The following OXR1 variants were observed in gnomAD, a reference collection of about 807,000 sequenced individuals.
OXR1 encodes oxidation resistance 1.
A neutral mutation model predicts 104.6 loss-of-function variants in OXR1; 41 were observed. The observed-to-expected ratio is 0.39, with a 90% CI of 0.31 to 0.51. The LOEUF is 0.51. OXR1 is among the 20% of genes least tolerant of loss of function. The pLI is 0.77. For missense variants in OXR1, 955 were observed against 1,031.9 expected (o/e 0.93, Z 1.02); for synonymous variants, 348 against 348.4 (o/e 1.00, Z 0.01).
At chr8:106,418,624 A>G (rs896814764) in intron 2 of OXR1, among the ~76,000 whole-genome samples, 4 of 152,162 alleles carry the variant, frequency 2.6e-5, no homozygotes, top group Non-Finnish European at 4.4e-5. Flanking sequence ...TGCAGCAGCC[A>G]TTAAAAATCA....
chr8:106,685,346 G>A (rs1258707209), intron 6 of OXR1, among the ~76,000 whole-genome samples: 3 of 152,262 alleles, frequency 2.0e-5, no homozygotes, highest in African/African-American at 7.2e-5. Flanking sequence ...AAACCCTAAA[G>A]CAGAATGATG....
At chr8:106,392,738 A>T (rs28420226) in intron 2 of OXR1, among the ~76,000 whole-genome samples, 6,817 of 152,244 alleles carry the variant, frequency 0.045, 526 homozygotes, top group African/African-American at 0.16. Context: ...CCAGCTAGTT[A>T]TGTCATAGAC....
At chr8:106,283,434 C>T (rs1433525711) in intron 1 of OXR1, among the ~76,000 whole-genome samples, 1 of 152,202 alleles carries the variant, frequency 6.6e-6, no homozygotes, top group African/African-American at 2.4e-5. Context: ...CGTCAAACTT[C>T]CAGGCCCATA....
intron 6 of OXR1, among the ~76,000 whole-genome samples, chr8:106,686,544 T>C (rs1828746425): frequency 6.6e-6 from 1 of 152,148 alleles, no homozygotes; most frequent in South Asian, 2.1e-4. Context: ...GTTTTATGTC[T>C]CCCATGCTGT....
intron 1 of OXR1, among the ~76,000 whole-genome samples, chr8:106,301,587 A>T (rs1813236817): frequency 6.6e-6 from 1 of 152,190 alleles, no homozygotes; most frequent in African/African-American, 2.4e-5. Flanking sequence ...AGCAAATTTT[A>T]TCCAATCAAG....
intron 11 of OXR1, among the ~76,000 whole-genome samples, chr8:106,718,453 G>T (rs943420352): frequency 6.6e-6 from 1 of 152,138 alleles, no homozygotes; most frequent in African/African-American, 2.4e-5. Context: ...TTGGATAAAG[G>T]ATCTGAGAAA....
At chr8:106,480,683 G>T (rs931720987) in intron 2 of OXR1, among the ~76,000 whole-genome samples, 1 of 151,812 alleles carries the variant, frequency 6.6e-6, no homozygotes, top group Non-Finnish European at 1.5e-5. Context: ...AACAATGGGG[G>T]AGGTATCTGG....
intron 3 of OXR1, among the ~76,000 whole-genome samples, chr8:106,616,700 C>G (rs1395325372): frequency 1.3e-5 from 2 of 152,182 alleles, no homozygotes; most frequent in Non-Finnish European, 2.9e-5. Context: ...ACTATTTATA[C>G]AACTTCAGCG....
intron 2 of OXR1, among the ~76,000 whole-genome samples, chr8:106,396,460 T>C (rs927831852): frequency 1.8e-4 from 27 of 151,900 alleles, no homozygotes; most frequent in African/African-American, 6.0e-4. Context: ...AGAAAAAAAA[T>C]TATGAAACAA....
chr8:106,418,948 A>C (rs1818792703), intron 2 of OXR1, among the ~76,000 whole-genome samples: 1 of 152,086 alleles, frequency 6.6e-6, no homozygotes, highest in African/African-American at 2.4e-5. Context: ...TTTCAGAAAA[A>C]AGTTATTTTT....
chr8:106,278,857 T>G (rs1812167235), intron 1 of OXR1, among the ~76,000 whole-genome samples: 1 of 152,202 alleles, frequency 6.6e-6, no homozygotes, highest in African/African-American at 2.4e-5. Flanking sequence ...ATCACATATC[T>G]TTGCATTTTT....
chr8:106,336,670 T>G (rs1287387069), intron 1 of OXR1, among the ~76,000 whole-genome samples: 1 of 152,236 alleles, frequency 6.6e-6, no homozygotes, highest in Admixed American at 6.5e-5. Flanking sequence ...GAAGGGACAC[T>G]GGCAAGCCCC....
intron 2 of OXR1, among the ~76,000 whole-genome samples, chr8:106,398,241 C>G (rs1255045922): frequency 6.6e-6 from 1 of 152,154 alleles, no homozygotes; most frequent in Non-Finnish European, 1.5e-5. Flanking sequence ...TTTCCGTGGT[C>G]TTCCTTTATT....
intron 11 of OXR1, among the ~76,000 whole-genome samples, chr8:106,721,484 T>A (rs1257161594): frequency 6.6e-6 from 1 of 152,134 alleles, no homozygotes; most frequent in Admixed American, 6.5e-5. Context: ...GTATTTTTCA[T>A]TCTTAAAATG....
intron 2 of OXR1, chr8:106,447,916 G>A: frequency 6.6e-7 from 1 of 1,524,176 alleles, no homozygotes. Context: ...GAGGTAGTGG[G>A]TGGAGCTAAC....
intron 1 of OXR1, among the ~76,000 whole-genome samples, chr8:106,279,541 T>C (rs1469624350): frequency 6.6e-6 from 1 of 152,176 alleles, no homozygotes; most frequent in East Asian, 1.9e-4. Context: ...CTATGCACTT[T>C]TAAAAAGTTT....
chr8:106,556,653 A>G (rs1816306286), intron 3 of OXR1, among the ~76,000 whole-genome samples: 1 of 152,198 alleles, frequency 6.6e-6, no homozygotes, highest in Non-Finnish European at 1.5e-5. Flanking sequence ...GTAGGAAGTC[A>G]TATGTCCTTA....
chr8:106,547,163 A>G (rs1815425310), intron 3 of OXR1, among the ~76,000 whole-genome samples: 2 of 152,184 alleles, frequency 1.3e-5, no homozygotes, highest in Non-Finnish European at 2.9e-5. Flanking sequence ...TGCTGGGATT[A>G]CAGGCGTGAG....
chr8:106,548,643 A>C (rs1016431201), intron 3 of OXR1, among the ~76,000 whole-genome samples: 4 of 152,222 alleles, frequency 2.6e-5, no homozygotes, highest in African/African-American at 9.6e-5. Context: ...ATAAATTATA[A>C]GCAGCCAAAG....
Sources: allele counts gnomAD v4.1 joint callset (sites outside exome capture counted in the v4.1 genomes callset), GRCh38; gene constraint gnomAD v4.1.1; transcripts MANE v1.5; gene names NCBI Gene and HGNC (gene_info 2026-07-23, HGNC 2026-07-21).